Variants in RSRC1 observed in about 807,000 individuals in gnomAD.
RSRC1 encodes the protein arginine and serine rich coiled-coil 1, also known as serine/Arginine-related protein 53.
A neutral mutation model predicts 49.1 loss-of-function variants in RSRC1; 39 were observed. That is an observed-to-expected ratio of 0.79 (90% confidence interval 0.61 to 1.04). The LOEUF is 1.04. RSRC1 is among the 50% of genes least tolerant of loss of function. The pLI is 0.00. For synonymous variants in RSRC1, 143 were observed against 130.8 expected, an observed-to-expected ratio of 1.09 and a Z score of -0.63; for missense variants, 388 against 402.4, an observed-to-expected ratio of 0.96 and a Z score of 0.31.
intron 5 of RSRC1, among the ~76,000 whole-genome samples, chr3:158,326,820 G>A (rs1239123024): frequency 6.6e-6 from 1 of 152,154 alleles, no homozygotes; most frequent in Admixed American, 6.5e-5. Flanking sequence ...GCTCCTCCTT[G>A]TACCTCTGGT....
intron 3 of RSRC1, among the ~76,000 whole-genome samples, chr3:158,197,344 GAT>G: frequency 6.6e-6 from 1 of 152,116 alleles, no homozygotes; most frequent in East Asian, 1.9e-4. Flanking sequence ...GATTGGTGGT[GAT>G]ATCCCCTTTT....
At chr3:158,287,655 C>T (rs974766434) in intron 4 of RSRC1, among the ~76,000 whole-genome samples, 6 of 151,954 alleles carry the variant, frequency 3.9e-5, no homozygotes, top group African/African-American at 1.5e-4. Context: ...TATTGACAAC[C>T]GGAAGCTATT....
chr3:158,418,847 T>C (rs1040227587), intron 6 of RSRC1, among the ~76,000 whole-genome samples: 10 of 151,928 alleles, frequency 6.6e-5, no homozygotes, highest in African/African-American at 2.4e-4. Flanking sequence ...GAAAAGTAGC[T>C]TCCCAGAGAA....
intron 3 of RSRC1, among the ~76,000 whole-genome samples, chr3:158,182,368 T>G (rs1719669763): frequency 6.6e-6 from 1 of 152,238 alleles, no homozygotes; most frequent in Non-Finnish European, 1.5e-5. Context: ...AAATACTTTT[T>G]CTTAGGTGAT....
At chr3:158,423,448 G>A (rs1735199899) in intron 6 of RSRC1, among the ~76,000 whole-genome samples, 1 of 151,948 alleles carries the variant, frequency 6.6e-6, no homozygotes, top group South Asian at 2.1e-4. Flanking sequence ...CTCTGTTTTG[G>A]TACCAGTACC....
chr3:158,373,476 T>C (rs1732189730), intron 6 of RSRC1, among the ~76,000 whole-genome samples: 1 of 151,992 alleles, frequency 6.6e-6, no homozygotes. Flanking sequence ...TCAGTATCTA[T>C]ATAGATGATT....
chr3:158,255,850 G>A, intron 4 of RSRC1, among the ~76,000 whole-genome samples: 1 of 152,014 alleles, frequency 6.6e-6, no homozygotes, highest in Admixed American at 6.5e-5. Context: ...TGATTTGGCT[G>A]TCTGTTATTG....
intron 3 of RSRC1, among the ~76,000 whole-genome samples, chr3:158,190,580 A>G (rs911357205): frequency 6.7e-6 from 1 of 150,110 alleles, no homozygotes; most frequent in Non-Finnish European, 1.5e-5. Context: ...AAATCAGATA[A>G]TAGTCATTTC....
intron 7 of RSRC1, among the ~76,000 whole-genome samples, chr3:158,517,209 G>A (rs953339219): frequency 6.6e-6 from 1 of 152,094 alleles, no homozygotes; most frequent in African/African-American, 2.4e-5. Context: ...GTTCAGGGCT[G>A]CTATATAGAA....
intron 5 of RSRC1, among the ~76,000 whole-genome samples, chr3:158,347,009 AT>A (rs1560003985): frequency 5.3e-5 from 8 of 152,224 alleles, no homozygotes; most frequent in African/African-American, 1.9e-4. Context: ...TAAAGACCAG[AT>A]ATGTTAAATA....
At chr3:158,292,020 G>A (rs1286141023) in intron 4 of RSRC1, among the ~76,000 whole-genome samples, 2 of 152,176 alleles carry the variant, frequency 1.3e-5, no homozygotes, top group East Asian at 3.8e-4. Flanking sequence ...GCCTACCATG[G>A]CATAATTGAT....
intron 1 of RSRC1, among the ~76,000 whole-genome samples, chr3:158,119,610 G>A (rs1425748649): frequency 6.6e-6 from 1 of 151,674 alleles, no homozygotes. Flanking sequence ...ATGGATATAA[G>A]TATATGTGTG....
At chr3:158,451,690 T>G (rs1737047998) in intron 6 of RSRC1, among the ~76,000 whole-genome samples, 2 of 152,090 alleles carry the variant, frequency 1.3e-5, no homozygotes, top group African/African-American at 4.8e-5. Flanking sequence ...GACACTTTCT[T>G]AACTGGAGGA....
intron 4 of RSRC1, among the ~76,000 whole-genome samples, chr3:158,249,051 G>A (rs1007023712): frequency 6.6e-6 from 1 of 152,094 alleles, no homozygotes; most frequent in Non-Finnish European, 1.5e-5. Flanking sequence ...ATAATATTGA[G>A]TATCAATTAT....
At chr3:158,456,233 T>C (rs2108397983) in intron 6 of RSRC1, among the ~76,000 whole-genome samples, 1 of 151,928 alleles carries the variant, frequency 6.6e-6, no homozygotes, top group Non-Finnish European at 1.5e-5. Context: ...CCAGATTCCT[T>C]TAACCTTGTG....
intron 1 of RSRC1, among the ~76,000 whole-genome samples, chr3:158,121,682 G>C (rs758883230): frequency 2.2e-4 from 34 of 152,186 alleles, no homozygotes; most frequent in Admixed American, 2.6e-4. Context: ...TAAAGGAATA[G>C]TTGGTTGATT....
At chr3:158,370,278 A>T (rs1398582749) in intron 6 of RSRC1, among the ~76,000 whole-genome samples, 1 of 151,956 alleles carries the variant, frequency 6.6e-6, no homozygotes, top group Non-Finnish European at 1.5e-5. Context: ...TTTAAACATG[A>T]TAAAATTCCC....
chr3:158,396,986 G>A (rs1384714354), intron 6 of RSRC1, among the ~76,000 whole-genome samples: 1 of 152,080 alleles, frequency 6.6e-6, no homozygotes, highest in African/African-American at 2.4e-5. Flanking sequence ...TATAGTTAGT[G>A]ATAGTGGTGG....
chr3:158,257,641 T>A (rs1724642612), intron 4 of RSRC1, among the ~76,000 whole-genome samples: 1 of 152,126 alleles, frequency 6.6e-6, no homozygotes, highest in Non-Finnish European at 1.5e-5. Context: ...ACATTCAGGG[T>A]TTTTATTGAT....
Sources: allele counts gnomAD v4.1 joint callset (sites outside exome capture counted in the v4.1 genomes callset), GRCh38; gene constraint gnomAD v4.1.1; transcripts MANE v1.5; gene names NCBI Gene and HGNC (gene_info 2026-07-23, HGNC 2026-07-21).